Variants in EBF3 observed in about 807,000 individuals in gnomAD.
The protein encoded by EBF3 is EBF transcription factor 3, also known as transcription factor COE3.
EBF3 carries 18 observed loss-of-function variants against 77.1 expected under a neutral mutation model. The ratio of observed to expected loss-of-function variants is 0.23; its 90% CI spans 0.16 to 0.35. The LOEUF is 0.35. Among genes scored for constraint, EBF3 ranks in the 10% least tolerant of loss-of-function variants. The pLI, the probability that EBF3 is intolerant of heterozygous loss-of-function variation, is 1.00. For synonymous variants in EBF3, 350 were observed against 343.5 expected, an observed-to-expected ratio of 1.02 and a Z score of -0.21; for missense variants, 558 against 860.0, an observed-to-expected ratio of 0.65 and a Z score of 4.39.
rs1304481529 is a variant in EBF3, at chr10:129,841,398, G to T, written c.1373-366C>A. ...GACCTTCAAATGCCATGACTGACAA[G>T]GAGAGCTTGTTTGTGGCCGTAACTT... is the stretch of plus-strand genomic sequence containing the variant. On this transcript the variant is annotated intron_variant, in intron 13 of 16. Coordinates refer to ENST00000440978, the MANE Select transcript of EBF3 (RefSeq NM_001375380.1). This position sits in a 1 kb window ranked among gnomAD's most constrained non-coding sequence, Gnocchi z 4.6. Among the ~76,000 whole-genome samples, 1 of 152,194 alleles carries T rather than the reference G, an allele frequency of 6.6e-6. No homozygotes were observed. Among genetic ancestry groups the T allele is most frequent in the Non-Finnish European group, 1.5e-5 (1 of 68,042 alleles).
rs1322968129 is a variant in EBF3, at chr10:129,937,737, G to A, written c.554+19521C>T. Among the ~76,000 whole-genome samples, 6 of 152,238 alleles carry A rather than the reference G, an allele frequency of 3.9e-5. No homozygotes were observed. In the East Asian group the frequency reaches 1.2e-3, roughly 30 times the overall value. On this transcript the variant is annotated intron_variant, in intron 6 of 16. Coordinates refer to ENST00000440978, the MANE Select transcript of EBF3 (RefSeq NM_001375380.1). ...ATCTCCTCACCATGGCCCACCCCCA[G>A]GCCAACCTGTCCCGGGCTGTCCCTG...
chr10:129,939,126 C>T (rs113388535), intron 6 of EBF3, among the ~76,000 whole-genome samples: 1 of 152,198 alleles, frequency 6.6e-6, no homozygotes, highest in Non-Finnish European at 1.5e-5. Context: ...GTGTCCTGTG[C>T]GTCAGTGGCA....
chr10:129,838,856 C>T (rs767703043), intron 16 of EBF3, among the ~76,000 whole-genome samples: 2 of 152,246 alleles, frequency 1.3e-5, no homozygotes. Context: ...TACAACTTTA[C>T]GGTTTGGAAG....
intron 7 of EBF3, among the ~76,000 whole-genome samples, chr10:129,875,988 C>G (rs1852746996): frequency 6.6e-6 from 1 of 152,224 alleles, no homozygotes; most frequent in African/African-American, 2.4e-5. Flanking sequence ...TTTTACGTTC[C>G]TAAACATGAT....
Position 129,897,134 on chromosome 10 carries a change from T to C in EBF3, c.555-19285A>G, listed in dbSNP as rs1477242881. ...CTGGGAGACAGGAAGACAAAGCCGGTCTCCTTTCGGGGTCCTGGGATGAGC... is the reference window on the plus strand; with the variant it reads ...CTGGGAGACAGGAAGACAAAGCCGGCCTCCTTTCGGGGTCCTGGGATGAGC... On this transcript the variant is annotated intron_variant, in intron 6 of 16. Transcript: ENST00000440978. This position sits in a 1 kb window ranked among gnomAD's most constrained non-coding sequence, Gnocchi z 4.6. 6.6e-6 allele frequency among the ~76,000 whole-genome samples: 1 copy of C among 152,136 alleles called. No individual in the cohort carries two copies. The highest frequency in any genetic ancestry group is 1.5e-5 in the Non-Finnish European group (1 of 68,026).
chr10:129,943,367 A>C lies in EBF3; in HGVS notation c.554+13891T>G, dbSNP rs192670850. On this transcript the variant is annotated intron_variant, in intron 6 of 16. Coordinates refer to ENST00000440978, the MANE Select transcript of EBF3 (RefSeq NM_001375380.1). This position sits in a 1 kb window ranked among gnomAD's most constrained non-coding sequence, Gnocchi z 8.8. ...AAAAAATTAATTCCAGATTGTAGTT[A>C]TTGTCTTAAGCACAAGAAGGTTGTC... is the stretch of plus-strand genomic sequence containing the variant. Among the ~76,000 whole-genome samples, 1 of 152,342 alleles carries C rather than the reference A, an allele frequency of 6.6e-6. No individual in the cohort carries two copies. Among genetic ancestry groups the C allele is most frequent in the East Asian group, 1.9e-4 (1 of 5,194 alleles).
intron 6 of EBF3, among the ~76,000 whole-genome samples, chr10:129,942,347 C>G (rs914755588): frequency 2.6e-5 from 4 of 152,152 alleles, no homozygotes; most frequent in Non-Finnish European, 4.4e-5. Flanking sequence ...CAAAAATAAA[C>G]CCCCAAAATC....
At position 129,854,424 on chromosome 10, in the gene EBF3, C is replaced by T. The variant is rs1027514306; in HGVS notation, c.1040-5944G>A. Reference sequence around the variant, plus strand: ...GCCAGGGCAGCTGAGAGGAGGGCTACGTTTTAGATGGGTTTTTGCTTTCAT... The same window carrying T: ...GCCAGGGCAGCTGAGAGGAGGGCTATGTTTTAGATGGGTTTTTGCTTTCAT... On this transcript the variant is annotated intron_variant, in intron 10 of 16. Transcript: ENST00000440978. Among the ~76,000 whole-genome samples the T allele has an allele frequency of 3.3e-5, 5 of 151,994 alleles. No individual in the cohort carries two copies. In the East Asian group the frequency reaches 7.7e-4, roughly 23 times the overall value.
rs1347457086 is a variant in EBF3, at chr10:129,837,075, G to A, written c.*868C>T. ...CATACAAAACACATTAGGGAAGAAG[G>A]ATCTAGAAGTCAAAAGGACAATTTC... On this transcript the variant is annotated 3_prime_UTR_variant, in exon 17 of 17. Coordinates refer to ENST00000440978, the MANE Select transcript of EBF3 (RefSeq NM_001375380.1). 1.3e-5 allele frequency: 2 copies of A among 152,556 alleles called. No individual in the cohort carries two copies. The highest frequency in any genetic ancestry group is 2.9e-5 in the Non-Finnish European group (2 of 68,020). The allele number at this position is 152,556 out of a possible 1,614,324, so 9.5% of individuals were successfully genotyped here.
In EBF3 at chr10:129,963,968, C is replaced by A; in HGVS notation, c.-200G>T. 9.7e-7 allele frequency: 1 copy of A among 1,026,242 alleles called. No individual in the cohort carries two copies. The highest frequency in any genetic ancestry group is 1.2e-6 in the Non-Finnish European group (1 of 858,586). The allele number at this position is 1,026,242 out of a possible 1,614,324, so 63.6% of individuals were successfully genotyped here. On this transcript the variant is annotated 5_prime_UTR_variant, in exon 1 of 17. Transcript: ENST00000440978. This position sits in a 1 kb window ranked among gnomAD's most constrained non-coding sequence, Gnocchi z 7.1. The stretch of plus-strand genomic sequence containing the variant: ...CGGGCGCTCCGGACGGCCAGGGGCG[C>A]GGAGGCGGCTCCACCGGCGGCGGCG...
intron 10 of EBF3, among the ~76,000 whole-genome samples, chr10:129,849,471 C>A (rs1222302518): frequency 6.6e-6 from 1 of 152,172 alleles, no homozygotes; most frequent in Admixed American, 6.5e-5. Flanking sequence ...ATGATTAACA[C>A]GCCCCACCTC....
At chr10:129,936,153 C>G (rs1040734362) in intron 6 of EBF3, among the ~76,000 whole-genome samples, 1 of 152,244 alleles carries the variant, frequency 6.6e-6, no homozygotes, top group Admixed American at 6.5e-5. Context: ...TTGCGACTGA[C>G]TCTCACACCC....
chr10:129,920,638 C>T (rs757922257), intron 6 of EBF3, among the ~76,000 whole-genome samples: 8 of 152,242 alleles, frequency 5.3e-5, no homozygotes, highest in African/African-American at 1.9e-4. Context: ...GAAGACATGA[C>T]TCCAGTGGTA....
chr10:129,916,040 T>C (rs896553227), intron 6 of EBF3, among the ~76,000 whole-genome samples: 2 of 152,170 alleles, frequency 1.3e-5, no homozygotes, highest in East Asian at 3.9e-4. Flanking sequence ...GGAAATTCAA[T>C]GGGGTCCCAC....
intron 3 of EBF3, among the ~76,000 whole-genome samples, 167 bp from the exon 4 acceptor site, chr10:129,962,393 A>G (rs1859594932): frequency 6.6e-6 from 1 of 151,690 alleles, no homozygotes; most frequent in Non-Finnish European, 1.5e-5. Flanking sequence ...CTTCTCGCTT[A>G]ATTTTTTTTT....
chr10:129,927,359 T>C (rs1173025564), intron 6 of EBF3, among the ~76,000 whole-genome samples: 1 of 152,176 alleles, frequency 6.6e-6, no homozygotes, highest in Non-Finnish European at 1.5e-5. Flanking sequence ...TAATTTCCCA[T>C]AAATACCCTC....
In EBF3 at chr10:129,963,549, C is replaced by G. The variant is rs777514645; in HGVS notation, c.135-26G>C. 2.0e-5 allele frequency: 29 copies of G among 1,435,998 alleles called. No homozygotes were observed. The highest frequency in any genetic ancestry group is 2.5e-5 in the Non-Finnish European group (27 of 1,086,798). The allele number at this position is 1,435,998 out of a possible 1,614,324, so 89.0% of individuals were successfully genotyped here. The stretch of plus-strand genomic sequence containing the variant: ...CTGCGGGAGGAAAGAGACAGCGGCC[C>G]GGTGAGGAGCGCGGCGCCGGCCGGC... On this transcript the variant is annotated intron_variant, in intron 1 of 16. Coordinates refer to ENST00000440978, the MANE Select transcript of EBF3 (RefSeq NM_001375380.1). This position sits in a 1 kb window ranked among gnomAD's most constrained non-coding sequence, Gnocchi z 7.1.
At chr10:129,896,885 A>G (rs1216410265) in intron 6 of EBF3, among the ~76,000 whole-genome samples, 8 of 152,076 alleles carry the variant, frequency 5.3e-5, no homozygotes, top group African/African-American at 1.9e-4. Context: ...TCAAACCGAG[A>G]GAGAAGCCTG....
chr10:129,941,859 A>G (rs1376087423), intron 6 of EBF3, among the ~76,000 whole-genome samples: 1 of 151,978 alleles, frequency 6.6e-6, no homozygotes, highest in Non-Finnish European at 1.5e-5. Flanking sequence ...AAGGGCAGAC[A>G]GCAGCCATTT....
Sources: gnomAD v4.1 joint callset for allele counts (sites outside exome capture counted in the v4.1 genomes callset) on GRCh38, gnomAD v4.1.1 for gene constraint, Gnocchi (gnomAD v3.1) non-coding constraint, MANE v1.5 for transcripts, NCBI Gene and HGNC (gene_info 2026-07-23, HGNC 2026-07-21) for gene names.